The following CELF2 variants were observed in gnomAD, a reference collection of about 807,000 sequenced individuals.
The protein encoded by CELF2 is CUGBP Elav-like family member 2, also known as CUG triplet repeat RNA-binding protein 2.
CELF2 carries 8 observed loss-of-function variants against 62.6 expected under a neutral mutation model. The ratio of observed to expected loss-of-function variants is 0.13; its 90% CI spans 0.07 to 0.23. The LOEUF (loss-of-function observed/expected upper bound fraction) is 0.23. CELF2 is among the 10% of genes least tolerant of loss of function. CELF2 has a pLI of 1.00. For synonymous variants in CELF2, 258 were observed against 250.0 expected, an observed-to-expected ratio of 1.03 and a Z score of -0.30; for missense variants, 333 against 671.0, an observed-to-expected ratio of 0.50 and a Z score of 5.56.
In CELF2 at chr10:10,869,544, G is replaced by A. The variant is rs550000056; in HGVS notation, c.54-50420G>A. ...CACCCCACTGCACTCCAGCCTGGGT[G>A]ACAGAGTGAGACTTCATCTGGGGGA... On this transcript the variant is annotated intron_variant, in intron 1 of 13. Coordinates refer to the CELF2 transcript ENST00000636488. 3.4e-5 allele frequency among the ~76,000 whole-genome samples: 5 copies of A among 147,936 alleles called. No individual in the cohort carries two copies. The South Asian group carries it at 1.1e-3, about 32-fold the overall frequency.
intron 1 of CELF2, among the ~76,000 whole-genome samples, chr10:10,857,312 A>G (rs927180831): frequency 5.3e-5 from 8 of 152,082 alleles, no homozygotes; most frequent in Admixed American, 2.6e-4. Context: ...TTTCATTTCC[A>G]ACCAGATGCA....
upstream of CELF2, chr10:11,005,246 G>A (rs929785152): frequency 6.9e-7 from 1 of 1,447,282 alleles, no homozygotes; most frequent in South Asian, 1.3e-5. The surrounding 1 kb of genome is among the most constrained non-coding windows in gnomAD (Gnocchi z 4.3). Flanking sequence ...TGGGAAGACA[G>A]AGAGAGAGGG....
chr10:10,591,154 AC>A, the CELF2 span, among the ~76,000 whole-genome samples: 5 of 152,186 alleles, frequency 3.3e-5, no homozygotes, highest in Admixed American at 3.3e-4. Flanking sequence ...AAGAGCTCAA[AC>A]CCCATAACCT....
rs2071682606 is a variant in CELF2 at position 11,075,758 on chromosome 10, T to C, written c.74+57595T>C. ...GTTCTTAGGAAGGAGGAGTGATTCC[T>C]GAAGGATCCAGGCAAGCAGGTGCTA... On this transcript the variant is annotated intron_variant, in intron 1 of 12. Transcript: ENST00000633077. This position sits in a 1 kb window ranked among gnomAD's most constrained non-coding sequence, Gnocchi z 5.4. Among the ~76,000 whole-genome samples, 1 of 151,992 alleles carries C rather than the reference T, an allele frequency of 6.6e-6. No homozygotes were observed. Among genetic ancestry groups the C allele is most frequent in the South Asian group, 2.1e-4 (1 of 4,816 alleles).
the CELF2 span, among the ~76,000 whole-genome samples, chr10:10,636,574 C>T: frequency 6.6e-6 from 1 of 152,196 alleles, no homozygotes; most frequent in East Asian, 1.9e-4. Flanking sequence ...AAATACATGG[C>T]ATCTTCAATT....
intron 1 of CELF2, among the ~76,000 whole-genome samples, chr10:10,841,157 G>T (rs1014689067): frequency 3.3e-5 from 5 of 152,140 alleles, no homozygotes; most frequent in African/African-American, 9.7e-5. Context: ...ACATACGTGT[G>T]CATGTGTCTT....
chr10:10,807,844 C>A (rs2055395600), intron 1 of CELF2, among the ~76,000 whole-genome samples: 1 of 152,126 alleles, frequency 6.6e-6, no homozygotes, highest in Non-Finnish European at 1.5e-5. Flanking sequence ...CTGTCAGCTT[C>A]TCTGCTAGAG....
At position 11,244,411 on chromosome 10, in the gene CELF2, T is replaced by C. The variant is rs1489578844; in HGVS notation, c.355-4742T>C. On this transcript the variant is annotated intron_variant, in intron 3 of 12. Coordinates refer to ENST00000633077, the MANE Select transcript of CELF2 (RefSeq NM_001326342.2). The surrounding 1 kb of genome is among the most constrained non-coding windows in gnomAD (Gnocchi z 4.2). ...GCTCACGCCTATAATCCCAGCACTT[T>C]GGGAGGCCGAGGTGGGTGGATCCCA... is the stretch of plus-strand genomic sequence containing the variant. Among the ~76,000 whole-genome samples, 1 of 152,204 alleles carries C rather than the reference T, an allele frequency of 6.6e-6. No homozygotes were observed. The highest frequency in any genetic ancestry group is 1.9e-4 in the East Asian group (1 of 5,192).
chr10:10,604,366 A>G, the CELF2 span, among the ~76,000 whole-genome samples: 4 of 152,242 alleles, frequency 2.6e-5, no homozygotes, highest in Admixed American at 6.5e-5. Flanking sequence ...AGGATTGACC[A>G]AAAGGATAAA....
chr10:11,131,634 G>T (rs974257498), intron 1 of CELF2, among the ~76,000 whole-genome samples: 1 of 151,658 alleles, frequency 6.6e-6, no homozygotes, highest in Non-Finnish European at 1.5e-5. Flanking sequence ...ATCCATGGAG[G>T]AAGGTGACAT....
chr10:10,844,181 A>G (rs1320463238), intron 1 of CELF2, among the ~76,000 whole-genome samples: 1 of 151,796 alleles, frequency 6.6e-6, no homozygotes, highest in Non-Finnish European at 1.5e-5. Context: ...CTAATTTGTG[A>G]CCTCTGACCA....
At chr10:11,240,438 C>A (rs1305271863) in intron 3 of CELF2, among the ~76,000 whole-genome samples, 1 of 152,230 alleles carries the variant, frequency 6.6e-6, no homozygotes, top group African/African-American at 2.4e-5. Flanking sequence ...TCTCACACTT[C>A]TCAGCGTCTA....
chr10:10,953,293 A>G (rs1406157130), intron 2 of CELF2, among the ~76,000 whole-genome samples: 2 of 152,216 alleles, frequency 1.3e-5, no homozygotes, highest in Non-Finnish European at 2.9e-5. Context: ...TTCACTCTAT[A>G]CCATCTATAA....
chr10:10,671,309 C>T, the CELF2 span, among the ~76,000 whole-genome samples: 3 of 151,292 alleles, frequency 2.0e-5, no homozygotes, highest in Non-Finnish European at 4.4e-5. Context: ...AAATAATTGT[C>T]TGGATCTCAC....
chr10:10,810,360 G>A (rs1332053003), intron 1 of CELF2, among the ~76,000 whole-genome samples: 2 of 150,102 alleles, frequency 1.3e-5, no homozygotes, highest in Non-Finnish European at 2.9e-5. Flanking sequence ...TATTTGTGGA[G>A]GAGGCCTTTA....
the CELF2 span, among the ~76,000 whole-genome samples, chr10:10,558,464 A>G: frequency 6.6e-6 from 1 of 152,058 alleles, no homozygotes; most frequent in Non-Finnish European, 1.5e-5. Flanking sequence ...CTTTTGCATC[A>G]ATGTTCATCA....
chr10:10,588,837 G>A, the CELF2 span, among the ~76,000 whole-genome samples: 1 of 152,116 alleles, frequency 6.6e-6, no homozygotes, highest in East Asian at 1.9e-4. Context: ...TCCTATTCTG[G>A]TGTGGATGCC....
rs1319816969 is a variant in CELF2, at chr10:11,010,424, G to T, written c.53+4984G>T. ...CTCTCTTCCTTTCCAACTGCCCGTT[G>T]TAGGTTTTAACAAAGATAGGGGTGG... On this transcript the variant is annotated intron_variant, in intron 1 of 12. Coordinates refer to the CELF2 transcript ENST00000416382. This position sits in a 1 kb window ranked among gnomAD's most constrained non-coding sequence, Gnocchi z 4.1. Among the ~76,000 whole-genome samples, 1 of 152,156 alleles carries T rather than the reference G, an allele frequency of 6.6e-6. No individual in the cohort carries two copies. The highest frequency in any genetic ancestry group is 1.5e-5 in the Non-Finnish European group (1 of 68,022).
At chr10:10,982,437 A>G (rs2052254014) in intron 2 of CELF2, among the ~76,000 whole-genome samples, 1 of 152,188 alleles carries the variant, frequency 6.6e-6, no homozygotes, top group Admixed American at 6.5e-5. Flanking sequence ...AACACAGAAA[A>G]TGAATTATTG....
Sources: allele counts gnomAD v4.1 joint callset (sites outside exome capture counted in the v4.1 genomes callset), GRCh38; gene constraint gnomAD v4.1.1; non-coding constraint Gnocchi (gnomAD v3.1); transcripts MANE v1.5; gene names NCBI Gene and HGNC (gene_info 2026-07-23, HGNC 2026-07-21).